IL1RAPL2: variants seen among roughly 807,000 people sequenced by gnomAD.
IL1RAPL2 encodes the protein X-linked interleukin-1 receptor accessory protein-like 2.
IL1RAPL2 carries 3 observed loss-of-function variants against 44.1 expected under a neutral mutation model. The observed-to-expected ratio is 0.07, with a 90% CI of 0.03 to 0.18. The LOEUF (loss-of-function observed/expected upper bound fraction) is 0.18, where lower values mean the gene tolerates loss of function less well. Among genes scored for constraint, IL1RAPL2 ranks in the 10% least tolerant of loss-of-function variants. The pLI is 1.00. For missense variants in IL1RAPL2, 391 were observed against 496.4 expected, an observed-to-expected ratio of 0.79 and a Z score of 2.02; for synonymous variants, 181 against 178.8, an observed-to-expected ratio of 1.01 and a Z score of -0.10.
chrX:104,614,295 TC>T (rs1293839464), intron 1 of IL1RAPL2, among the ~76,000 whole-genome samples: 1 of 112,048 alleles, frequency 8.9e-6, no homozygotes, highest in East Asian at 2.8e-4. Flanking sequence ...TAATTTGAGT[TC>T]TTTCTAACTT....
chrX:105,379,041 G>A (rs1017729244), intron 5 of IL1RAPL2, among the ~76,000 whole-genome samples: 3 of 111,749 alleles, frequency 2.7e-5, no homozygotes, highest in African/African-American at 9.7e-5. Context: ...ATTTAATGAT[G>A]TCTGAGGTCT....
intron 5 of IL1RAPL2, among the ~76,000 whole-genome samples, chrX:105,425,665 C>G (rs1321934975): frequency 9.1e-6 from 1 of 110,026 alleles, no homozygotes; most frequent in Non-Finnish European, 1.9e-5. Context: ...GACAGAGTGT[C>G]CTGACCTTAT....
At chrX:105,136,365 A>G (rs2033076686) in intron 2 of IL1RAPL2, among the ~76,000 whole-genome samples, 1 of 111,606 alleles carries the variant, frequency 9.0e-6, no homozygotes, top group African/African-American at 3.3e-5. Context: ...TTCCACCTGA[A>G]CCCTCCTTTC....
intron 2 of IL1RAPL2, among the ~76,000 whole-genome samples, chrX:104,711,481 C>T (rs890586852): frequency 3.6e-5 from 4 of 110,533 alleles, no homozygotes; most frequent in Non-Finnish European, 7.6e-5. Flanking sequence ...CTACCTGCTC[C>T]TCCCACCAAT....
chrX:105,169,440 G>A (rs747646506), intron 2 of IL1RAPL2, among the ~76,000 whole-genome samples: 6 of 102,754 alleles, frequency 5.8e-5, no homozygotes, highest in Non-Finnish European at 9.8e-5. Context: ...CTAAAAGGTG[G>A]TACAAAGCAA....
chrX:105,004,511 T>A (rs968933243), intron 2 of IL1RAPL2, among the ~76,000 whole-genome samples: 2 of 110,878 alleles, frequency 1.8e-5, no homozygotes, highest in South Asian at 3.8e-4. Flanking sequence ...GAATTTGTGA[T>A]AAAAATTGGT....
chrX:104,664,940 A>G (rs1930463276), intron 2 of IL1RAPL2, among the ~76,000 whole-genome samples: 1 of 111,269 alleles, frequency 9.0e-6, no homozygotes, highest in Non-Finnish European at 1.9e-5. Flanking sequence ...CAAGCAACAA[A>G]CTTACTAAAG....
intron 6 of IL1RAPL2, among the ~76,000 whole-genome samples, chrX:105,626,834 T>C (rs973844706): frequency 6.3e-5 from 7 of 111,591 alleles, no homozygotes; most frequent in African/African-American, 2.3e-4. Flanking sequence ...TTAAAATTAG[T>C]CCTATCTCCT....
chrX:105,364,631 C>T (rs930146142), intron 5 of IL1RAPL2, among the ~76,000 whole-genome samples: 3 of 110,226 alleles, frequency 2.7e-5, no homozygotes, highest in African/African-American at 6.6e-5. Context: ...GATACTTCAC[C>T]TCCTTGGATA....
intron 2 of IL1RAPL2, among the ~76,000 whole-genome samples, chrX:104,929,200 G>A (rs1382519482): frequency 9.0e-6 from 1 of 111,435 alleles, no homozygotes; most frequent in Non-Finnish European, 1.9e-5. Flanking sequence ...CATAATCATG[G>A]AATTCATGGT....
intron 7 of IL1RAPL2, among the ~76,000 whole-genome samples, chrX:105,719,530 A>G (rs2038284899): frequency 9.0e-6 from 1 of 111,322 alleles, no homozygotes; most frequent in Non-Finnish European, 1.9e-5. Context: ...TACAACCACC[A>G]CCACTTTATA....
intron 6 of IL1RAPL2, among the ~76,000 whole-genome samples, chrX:105,609,417 A>G (rs1292598719): frequency 9.0e-6 from 1 of 111,429 alleles, no homozygotes; most frequent in African/African-American, 3.3e-5. Context: ...TTACAATTAA[A>G]AAAATAGTGC....
At chrX:105,000,893 C>G (rs1390164051) in intron 2 of IL1RAPL2, among the ~76,000 whole-genome samples, 1 of 111,004 alleles carries the variant, frequency 9.0e-6, no homozygotes, top group Non-Finnish European at 1.9e-5. Flanking sequence ...GGCTTGCTGC[C>G]TTCCTGCCTT....
chrX:104,863,227 C>T (rs1722760632), intron 2 of IL1RAPL2, among the ~76,000 whole-genome samples: 1 of 111,536 alleles, frequency 9.0e-6, no homozygotes, highest in Admixed American at 9.6e-5. Flanking sequence ...CAGACCACTG[C>T]CATCCACTGG....
chrX:105,097,449 G>T (rs889305698), intron 2 of IL1RAPL2, among the ~76,000 whole-genome samples: 2 of 110,459 alleles, frequency 1.8e-5, no homozygotes, highest in African/African-American at 6.6e-5. Context: ...ATTAGCAAGG[G>T]TGTCTCATTT....
chrX:105,125,630 T>G (rs1261829279), intron 2 of IL1RAPL2, among the ~76,000 whole-genome samples: 4 of 111,874 alleles, frequency 3.6e-5, no homozygotes, highest in African/African-American at 1.3e-4. Flanking sequence ...TTTTTCTCAG[T>G]TGATATTTAC....
At chrX:104,672,188 C>T (rs1239749981) in intron 2 of IL1RAPL2, among the ~76,000 whole-genome samples, 2 of 110,944 alleles carry the variant, frequency 1.8e-5, no homozygotes. Flanking sequence ...ATGTGACATG[C>T]TGGTGCACTG....
chrX:104,713,944 A>G (rs1229576521), intron 2 of IL1RAPL2, among the ~76,000 whole-genome samples: 2 of 111,071 alleles, frequency 1.8e-5, no homozygotes, highest in African/African-American at 3.3e-5. Flanking sequence ...CCAGAAGGAG[A>G]GGAGAATTTT....
At chrX:105,047,368 A>G (rs749481715) in intron 2 of IL1RAPL2, among the ~76,000 whole-genome samples, 2 of 111,789 alleles carry the variant, frequency 1.8e-5, no homozygotes, top group Non-Finnish European at 3.8e-5. Context: ...TACTCTGTGT[A>G]AAATTGGCAT....
Sources: allele counts gnomAD v4.1 joint callset (sites outside exome capture counted in the v4.1 genomes callset), GRCh38; gene constraint gnomAD v4.1.1; transcripts MANE v1.5; gene names NCBI Gene and HGNC (gene_info 2026-07-23, HGNC 2026-07-21).